MCC: variants seen among roughly 807,000 people sequenced by gnomAD.
MCC encodes colorectal mutant cancer protein.
Under a neutral mutation model 116.2 loss-of-function variants are expected in MCC, and 90 were observed. The observed-to-expected ratio is 0.77, with a 90% confidence interval of 0.65 to 0.92. MCC has a LOEUF of 0.92. Among genes scored for constraint, MCC ranks in the 40% least tolerant of loss-of-function variants. The pLI is 0.00. For synonymous variants in MCC, 578 were observed against 510.5 expected, an observed-to-expected ratio of 1.13 and a Z score of -1.78; for missense variants, 1,516 against 1,312.2, an observed-to-expected ratio of 1.16 and a Z score of -2.40.
chr5:113,088,149 A>G (rs1377246843), intron 8 of MCC, among the ~76,000 whole-genome samples: 2 of 152,166 alleles, frequency 1.3e-5, no homozygotes, highest in Non-Finnish European at 2.9e-5. Context: ...TTATTTAATG[A>G]TAGTTGCTAG....
At chr5:113,385,660 G>T (rs1769237052) in intron 1 of MCC, among the ~76,000 whole-genome samples, 1 of 152,172 alleles carries the variant, frequency 6.6e-6, no homozygotes, top group Non-Finnish European at 1.5e-5. Flanking sequence ...TAACAAGCTT[G>T]ATTTTCAGCT....
At chr5:113,184,590 AGTGC>A (rs1349997014) in intron 3 of MCC, among the ~76,000 whole-genome samples, 6 of 151,058 alleles carry the variant, frequency 4.0e-5, no homozygotes, top group Non-Finnish European at 8.8e-5. Context: ...AGCCTCTCAA[AGTGC>A]TAGGATTATA....
Position 113,348,187 on chromosome 5 carries a change from A to G in MCC, c.416-7457T>C, listed in dbSNP as rs575445117. Among the ~76,000 whole-genome samples the G allele has an allele frequency of 3.3e-5, 5 of 152,250 alleles. No individual in the cohort carries two copies. The South Asian group carries it at 1.0e-3, about 31-fold the overall frequency. ...TAGAAAATCAGCAAAGAAACATTGG[A>G]CTTAATCTGCATAATAGAACAAATG... On this transcript the variant is annotated intron_variant, in intron 2 of 18. Transcript: ENST00000408903.
At chr5:113,334,960 A>G (rs1767835945) in intron 3 of MCC, among the ~76,000 whole-genome samples, 2 of 151,836 alleles carry the variant, frequency 1.3e-5, no homozygotes, top group Non-Finnish European at 1.5e-5. Context: ...TCAAAATTCC[A>G]ATATTTTATT....
rs138793065 is a variant in MCC at position 113,306,155 on chromosome 5, T to C, written c.627+34364A>G. Among the ~76,000 whole-genome samples, 15 of 152,362 alleles carry C rather than the reference T, an allele frequency of 9.8e-5. No homozygotes were observed. The East Asian group carries it at 2.9e-3, about 29-fold the overall frequency. ...CATATTTTGTTTATCCGTTCATCAA[T>C]TGATGAATATTTTTGTTGTTTCCAT... On this transcript the variant is annotated intron_variant, in intron 3 of 18. Coordinates refer to ENST00000408903, the MANE Select transcript of MCC (RefSeq NM_001085377.2).
intron 11 of MCC, among the ~76,000 whole-genome samples, chr5:113,078,361 AG>A (rs1196847625): frequency 6.6e-6 from 1 of 152,246 alleles, no homozygotes; most frequent in African/African-American, 2.4e-5. Flanking sequence ...ACAAAAAAAG[AG>A]AATTCCAGAC....
At chr5:113,148,146 A>G (rs901456290) in intron 4 of MCC, among the ~76,000 whole-genome samples, 1 of 152,262 alleles carries the variant, frequency 6.6e-6, no homozygotes, top group African/African-American at 2.4e-5. Flanking sequence ...ACTATATCTG[A>G]TCTTAGCCAG....
chr5:113,385,728 T>A (rs1287103699), intron 1 of MCC, among the ~76,000 whole-genome samples: 2 of 152,228 alleles, frequency 1.3e-5, no homozygotes, highest in Non-Finnish European at 2.9e-5. Context: ...ATCTTGACTT[T>A]CGTGGTTCAA....
At chr5:113,338,194 G>A (rs532214116) in intron 3 of MCC, among the ~76,000 whole-genome samples, 1 of 152,360 alleles carries the variant, frequency 6.6e-6, no homozygotes, top group East Asian at 1.9e-4. Context: ...TTCAGTGCCT[G>A]CATTTGCATT....
At chr5:113,033,174 A>G (rs912182257) in intron 17 of MCC, among the ~76,000 whole-genome samples, 4 of 152,120 alleles carry the variant, frequency 2.6e-5, no homozygotes, top group Non-Finnish European at 5.9e-5. Flanking sequence ...ATTACCAGAT[A>G]TTTTCCCTGG....
chr5:113,448,306 T>C (rs1771280029), intron 1 of MCC: 1 of 152,162 alleles, frequency 6.6e-6, no homozygotes, highest in African/African-American at 2.4e-5. Flanking sequence ...GAAGAACATA[T>C]GTGGAAGAGC....
intron 3 of MCC, among the ~76,000 whole-genome samples, chr5:113,168,151 T>C (rs1400221735): frequency 6.6e-6 from 1 of 152,214 alleles, no homozygotes; most frequent in Non-Finnish European, 1.5e-5. Context: ...TGGATTTTCT[T>C]ATATACCTAG....
At chr5:113,072,204 G>A (rs1203178925) in intron 11 of MCC, among the ~76,000 whole-genome samples, 3 of 152,204 alleles carry the variant, frequency 2.0e-5, no homozygotes, top group Non-Finnish European at 4.4e-5. Context: ...ATGTTAAGGG[G>A]TTTGGAAGCC....
At position 113,024,525 on chromosome 5, in the gene MCC, T is replaced by A. The variant is rs1750392511; in HGVS notation, c.*2777A>T. 6.6e-6 allele frequency: 1 copy of A among 152,228 alleles called. No individual in the cohort carries two copies. Among genetic ancestry groups the A allele is most frequent in the African/African-American group, 2.4e-5 (1 of 41,446 alleles). The allele number at this position is 152,228 out of a possible 1,614,324, so 9.4% of individuals were successfully genotyped here. On this transcript the variant is annotated 3_prime_UTR_variant, in exon 19 of 19. Coordinates refer to ENST00000408903, the MANE Select transcript of MCC (RefSeq NM_001085377.2). ...GCCCATTTCTTCAAAAGCCAAAGAC[T>A]GAATTCTGAACAGAGATGGTTACTG...
chr5:113,211,738 C>G lies in MCC; in HGVS notation c.628-60316G>C, dbSNP rs1763142633. 2.0e-5 allele frequency among the ~76,000 whole-genome samples: 3 copies of G among 152,202 alleles called. No individual in the cohort carries two copies. In the South Asian group the frequency reaches 6.2e-4, roughly 32 times the overall value. On this transcript the variant is annotated intron_variant, in intron 3 of 18. Coordinates refer to ENST00000408903, the MANE Select transcript of MCC (RefSeq NM_001085377.2). The stretch of plus-strand genomic sequence containing the variant: ...GGAGACCTTTAACTCATTATCTCAA[C>G]TACTGGAGGTTATCCTAAAACTCCC...
chr5:113,304,205 G>C (rs754693034), intron 3 of MCC, among the ~76,000 whole-genome samples: 24 of 152,174 alleles, frequency 1.6e-4, no homozygotes, highest in Non-Finnish European at 2.9e-4. Flanking sequence ...TGTTCATGAA[G>C]TCAGCTACAC....
At chr5:113,164,322 G>A (rs900988667) in intron 3 of MCC, among the ~76,000 whole-genome samples, 6 of 152,178 alleles carry the variant, frequency 3.9e-5, no homozygotes, top group Admixed American at 3.3e-4. Context: ...TAGCAACTCT[G>A]AAATTGCCTC....
intron 1 of MCC, among the ~76,000 whole-genome samples, chr5:113,463,296 C>A (rs1225214255): frequency 6.6e-6 from 1 of 152,082 alleles, no homozygotes; most frequent in Non-Finnish European, 1.5e-5. Context: ...CAGATTAGCA[C>A]TTCAAAAAGA....
At chr5:113,151,242 T>G (rs1363197577) in intron 4 of MCC, 67 bp downstream of exon 4, 7 of 957,970 alleles carry the variant, frequency 7.3e-6, no homozygotes, top group Non-Finnish European at 9.6e-6. Flanking sequence ...TACTCATGTT[T>G]TATCTTAAGA....
Sources: allele counts gnomAD v4.1 joint callset (sites outside exome capture counted in the v4.1 genomes callset), GRCh38; gene constraint gnomAD v4.1.1; transcripts MANE v1.5; gene names NCBI Gene and HGNC (gene_info 2026-07-23, HGNC 2026-07-21).